DOCK7: variants seen among roughly 807,000 people sequenced by gnomAD.
The protein encoded by DOCK7 is dedicator of cytokinesis protein 7.
Under a neutral mutation model 271.0 loss-of-function variants are expected in DOCK7, and 138 were observed. The ratio of observed to expected loss-of-function variants is 0.51; its 90% CI spans 0.44 to 0.59. The LOEUF (loss-of-function observed/expected upper bound fraction) is 0.59, where lower values mean the gene tolerates loss of function less well. DOCK7 is among the 20% of genes least tolerant of loss of function. DOCK7 has a pLI of 0.00. For missense variants in DOCK7, 2,066 were observed against 2,592.4 expected (o/e 0.80, Z 4.41); for synonymous variants, 823 against 876.1 (o/e 0.94, Z 1.07).
chr1:62,583,289 T>C (rs768347443), intron 15 of DOCK7, 35 bp from the exon 16 acceptor site: 3 of 1,544,410 alleles, frequency 1.9e-6, no homozygotes, highest in Admixed American at 1.7e-5. Context: ...AACTTTGTTG[T>C]AGTAAATGCT....
intron 1 of DOCK7, among the ~76,000 whole-genome samples, chr1:62,664,822 A>G: frequency 6.6e-6 from 1 of 152,146 alleles, no homozygotes; most frequent in East Asian, 1.9e-4. Flanking sequence ...GGAGGAAGAC[A>G]ACAGCACCAA....
At position 62,582,883 on chromosome 1, in the gene DOCK7, T is replaced by C. The variant is rs550799468; in HGVS notation, c.1871+301A>G. Among the ~76,000 whole-genome samples, 9 of 152,246 alleles carry C rather than the reference T, an allele frequency of 5.9e-5. No individual in the cohort carries two copies. The East Asian group carries it at 1.7e-3, about 29-fold the overall frequency. Reference sequence around the variant, plus strand: ...AGTAAAGGGTAAAGTTACTACAAAGTGTCAGGTGGAAATAACTGGGAAAGA... The same window carrying C: ...AGTAAAGGGTAAAGTTACTACAAAGCGTCAGGTGGAAATAACTGGGAAAGA... On this transcript the variant is annotated intron_variant, in intron 16 of 49. Coordinates refer to ENST00000635253, the MANE Select transcript of DOCK7 (RefSeq NM_001367561.1).
At chr1:62,526,742 T>TA (rs1645021517) in intron 31 of DOCK7, among the ~76,000 whole-genome samples, 1 of 151,970 alleles carries the variant, frequency 6.6e-6, no homozygotes, top group Non-Finnish European at 1.5e-5. Context: ...TATTTGGCAA[T>TA]AAAAAAGGAA....
chr1:62,547,267 G>A (rs1334788082), intron 22 of DOCK7, among the ~76,000 whole-genome samples: 1 of 152,098 alleles, frequency 6.6e-6, no homozygotes, highest in Non-Finnish European at 1.5e-5. Context: ...CCATAATTCA[G>A]GTGTTATAAA....
intron 1 of DOCK7, 39 bp downstream of exon 1, chr1:62,688,188 C>T: frequency 7.4e-7 from 1 of 1,357,724 alleles, no homozygotes; most frequent in Non-Finnish European, 9.6e-7. Flanking sequence ...GGCTCTTTCT[C>T]GGGCGGCGGC....
intron 18 of DOCK7, among the ~76,000 whole-genome samples, chr1:62,563,035 G>A (rs1646380939): frequency 1.3e-5 from 2 of 152,034 alleles, no homozygotes; most frequent in Admixed American, 6.6e-5. Flanking sequence ...CCCTTGCCTG[G>A]TGATAGCAAG....
chr1:62,599,169 G>C (rs1290022901), intron 14 of DOCK7, among the ~76,000 whole-genome samples: 1 of 151,998 alleles, frequency 6.6e-6, no homozygotes, highest in African/African-American at 2.4e-5. Context: ...CCACACAATA[G>C]CTTTCCATTT....
intron 31 of DOCK7, among the ~76,000 whole-genome samples, chr1:62,526,833 T>C (rs1467656221): frequency 6.6e-6 from 1 of 152,116 alleles, no homozygotes; most frequent in African/African-American, 2.4e-5. Flanking sequence ...AAAGATCATA[T>C]AGTAAATAAT....
intron 37 of DOCK7, among the ~76,000 whole-genome samples, chr1:62,500,791 G>A (rs538003775): frequency 4.6e-5 from 7 of 151,968 alleles, no homozygotes; most frequent in East Asian, 1.9e-4. Flanking sequence ...GATTTTTCTC[G>A]TGCTTATTAT....
chr1:62,524,610 T>G (rs973028579), intron 31 of DOCK7, among the ~76,000 whole-genome samples: 3 of 151,906 alleles, frequency 2.0e-5, no homozygotes, highest in African/African-American at 4.8e-5. Flanking sequence ...TAAACTACAG[T>G]ATTTTGGCAG....
At chr1:62,523,024 A>T (rs1474010452) in intron 31 of DOCK7, among the ~76,000 whole-genome samples, 1 of 152,190 alleles carries the variant, frequency 6.6e-6, no homozygotes, top group Admixed American at 6.5e-5. Flanking sequence ...AGAAACTAAA[A>T]AAGTTTATGT....
chr1:62,485,382 A>G, intron 43 of DOCK7: 1 of 985,334 alleles, frequency 1.0e-6, no homozygotes, highest in Non-Finnish European at 1.2e-6. Context: ...AGCTTTGCCA[A>G]CTCAAATAAT....
chr1:62,545,947 G>A (rs1236174062), intron 22 of DOCK7, among the ~76,000 whole-genome samples: 1 of 152,048 alleles, frequency 6.6e-6, no homozygotes, highest in African/African-American at 2.4e-5. Flanking sequence ...AATTTGGACT[G>A]GGGACTTGAG....
intron 49 of DOCK7, 70 bp from the exon 50 acceptor site, chr1:62,455,526 C>T (rs565789251): frequency 9.6e-6 from 14 of 1,459,532 alleles, no homozygotes; most frequent in African/African-American, 1.4e-5. Context: ...AAATGTCTTA[C>T]ATGGTTTTTT....
chr1:62,458,159 GT>G (rs1645403048), intron 48 of DOCK7: 235 of 14,270 alleles, frequency 0.016, no homozygotes, highest in African/African-American at 0.023. Context: ...AAACGTGGGT[GT>G]GTGTGTGTGT....
At chr1:62,551,428 A>G (rs2149418940) in intron 22 of DOCK7, among the ~76,000 whole-genome samples, 1 of 152,250 alleles carries the variant, frequency 6.6e-6, no homozygotes, top group Non-Finnish European at 1.5e-5. Flanking sequence ...CTGCACTCAA[A>G]GCTGTCCTGG....
intron 14 of DOCK7, among the ~76,000 whole-genome samples, chr1:62,612,945 G>A (rs1651974819): frequency 6.6e-6 from 1 of 152,198 alleles, no homozygotes; most frequent in Non-Finnish European, 1.5e-5. Flanking sequence ...AGAATACCAT[G>A]TGTTCTGTGG....
In DOCK7 at chr1:62,610,329, GA is replaced by G. The variant is rs199624755; in HGVS notation, c.1682+8376del. On this transcript the variant is annotated intron_variant, in intron 14 of 49. Transcript: ENST00000635253. ...AAGCAGAGAACCATACACTTGAATA[GA>G]AAAAAAAATGCTCCTGAATTTTCAG... 5.4e-3 allele frequency among the ~76,000 whole-genome samples: 811 copies of G among 149,656 alleles called. 12 individuals carry two copies. Among genetic ancestry groups the G allele is most frequent in the African/African-American group, 0.019 (763 of 40,846 alleles).
chr1:62,638,476 T>C (rs1427486822), intron 7 of DOCK7: 1 of 151,100 alleles, frequency 6.6e-6, no homozygotes, highest in African/African-American at 2.4e-5. Context: ...AAAAAAATTT[T>C]GTGTATCATG....
Sources: allele counts gnomAD v4.1 joint callset (sites outside exome capture counted in the v4.1 genomes callset), GRCh38; gene constraint gnomAD v4.1.1; transcripts MANE v1.5; gene names NCBI Gene and HGNC (gene_info 2026-07-23, HGNC 2026-07-21).